PTK2: variants seen among roughly 807,000 people sequenced by gnomAD.
PTK2 encodes the protein focal adhesion kinase 1.
In PTK2, 45 loss-of-function variants were observed where a neutral mutation model predicts 150.1. The observed-to-expected ratio is 0.30, with a 90% CI of 0.24 to 0.38. The LOEUF is 0.38. Ranked by LOEUF, PTK2 falls within the 10% of genes least tolerant of loss-of-function variation. The probability of loss-of-function intolerance (pLI) is 1.00; values close to 1 mark genes in which losing one functional copy is unlikely to be tolerated. For missense variants in PTK2, 919 were observed against 1,307.3 expected (o/e 0.70, Z 4.58); for synonymous variants, 432 against 449.2 (o/e 0.96, Z 0.48).
intron 8 of PTK2, among the ~76,000 whole-genome samples, chr8:140,825,550 T>A (rs967730485): frequency 6.6e-6 from 1 of 152,240 alleles, no homozygotes; most frequent in African/African-American, 2.4e-5. Flanking sequence ...TATATTGCAA[T>A]AAATTAAAAT....
At chr8:140,750,990 C>T (rs1452935652) in intron 17 of PTK2, among the ~76,000 whole-genome samples, 1 of 152,042 alleles carries the variant, frequency 6.6e-6, no homozygotes, top group Non-Finnish European at 1.5e-5. Flanking sequence ...TGGCGCCCAT[C>T]TGTAGTACCA....
intron 14 of PTK2, among the ~76,000 whole-genome samples, chr8:140,786,650 A>G (rs2100085138): frequency 6.6e-6 from 1 of 152,104 alleles, no homozygotes; most frequent in Non-Finnish European, 1.5e-5. Flanking sequence ...CAAGAAAAGA[A>G]AAGAAATATA....
intron 22 of PTK2, among the ~76,000 whole-genome samples, chr8:140,727,325 A>G (rs905423217): frequency 1.3e-5 from 2 of 152,194 alleles, no homozygotes; most frequent in Admixed American, 1.3e-4. Flanking sequence ...TATTAAATTC[A>G]GATTTGCAGT....
chr8:140,797,693 G>A (rs2100092560), intron 12 of PTK2, among the ~76,000 whole-genome samples: 1 of 152,170 alleles, frequency 6.6e-6, no homozygotes, highest in East Asian at 1.9e-4. Context: ...TTCAGGTAAG[G>A]TGTAGGTTAG....
chr8:140,739,711 ACAGGTGC>A (rs2100054597), intron 20 of PTK2, among the ~76,000 whole-genome samples: 1 of 152,118 alleles, frequency 6.6e-6, no homozygotes, highest in Non-Finnish European at 1.5e-5. Context: ...TGCCCCACTA[ACAGGTGC>A]CAGAGTTGGG....
chr8:140,696,038 ACTC>A (rs2100026337), intron 26 of PTK2, among the ~76,000 whole-genome samples: 2 of 151,632 alleles, frequency 1.3e-5, no homozygotes, highest in Middle Eastern at 3.2e-3. Context: ...CCTGTCCGGG[ACTC>A]CTCCTTCCTC....
chr8:140,876,238 G>A (rs954386339), intron 4 of PTK2, among the ~76,000 whole-genome samples: 9 of 151,644 alleles, frequency 5.9e-5, no homozygotes, highest in South Asian at 2.1e-4. Flanking sequence ...GATGATTTTC[G>A]TTTTTCCTAA....
chr8:140,708,960 A>G (rs1359371383), intron 23 of PTK2, among the ~76,000 whole-genome samples: 1 of 132,792 alleles, frequency 7.5e-6, no homozygotes, highest in East Asian at 2.1e-4. Flanking sequence ...ACTCTTGATA[A>G]ATTCAGGCAA....
intron 2 of PTK2, among the ~76,000 whole-genome samples, chr8:140,907,400 C>G (rs2100161374): frequency 6.6e-6 from 1 of 152,144 alleles, no homozygotes; most frequent in African/African-American, 2.4e-5. Flanking sequence ...CGTTGAACAT[C>G]ATATCGGCGC....
intron 1 of PTK2, among the ~76,000 whole-genome samples, chr8:140,996,961 A>G (rs927134433): frequency 6.6e-6 from 1 of 152,218 alleles, no homozygotes; most frequent in Non-Finnish European, 1.5e-5. Context: ...GATCTGGGCT[A>G]AGTACATAGA....
chr8:140,746,706 A>G (rs2100058974), intron 18 of PTK2, 54 bp downstream of exon 21: 1 of 1,354,036 alleles, frequency 7.4e-7, no homozygotes, highest in African/African-American at 1.5e-5. Flanking sequence ...TCCTTTCTTA[A>G]GCAAAAGATA....
In PTK2 at chr8:140,793,512, C is replaced by T. The variant is rs922274584; in HGVS notation, c.1094-128G>A. On this transcript the variant is annotated intron_variant, in intron 12 of 31. Transcript: ENST00000522684. ...AGCAATGACCCTTTAAAGAAAGTTGCTACACTGTCTACCTTAGGTTCTCAT... is the reference window on the plus strand; with the variant it reads ...AGCAATGACCCTTTAAAGAAAGTTGTTACACTGTCTACCTTAGGTTCTCAT... 29 of 881,028 alleles carry T rather than the reference C, an allele frequency of 3.3e-5. 2 individuals carry two copies. The Admixed American group carries it at 4.0e-4, about 12-fold the overall frequency. 54.6% of individuals were successfully genotyped at this position (881,028 alleles called of 1,614,324 possible). A position where few individuals can be genotyped will look rare whatever the true frequency, so the allele number is the denominator to read the frequency against.
At chr8:140,896,066 A>G (rs2100156102) in intron 2 of PTK2, among the ~76,000 whole-genome samples, 1 of 152,200 alleles carries the variant, frequency 6.6e-6, no homozygotes, top group Non-Finnish European at 1.5e-5. Flanking sequence ...ACAATAAGGG[A>G]TTATTAATAA....
Position 140,846,397 on chromosome 8 carries a change from G to A in PTK2, c.531-75C>T, listed in dbSNP as rs544960557. On this transcript the variant is annotated intron_variant, in intron 6 of 31. Coordinates refer to ENST00000522684, the Ensembl canonical transcript of PTK2. ...TGTTGTTAAGTGATAAAAACTGGGG[G>A]AGAGGCATCTGAATAATAAACAAAA... 46 of 1,451,630 alleles carry A rather than the reference G, an allele frequency of 3.2e-5. No individual in the cohort carries two copies. In the Admixed American group the frequency reaches 5.3e-4, roughly 17 times the overall value. 89.9% of individuals were successfully genotyped at this position (1,451,630 alleles called of 1,614,324 possible).
chr8:140,934,210 T>C (rs1286296242), intron 1 of PTK2, among the ~76,000 whole-genome samples: 1 of 152,182 alleles, frequency 6.6e-6, no homozygotes, highest in Non-Finnish European at 1.5e-5. Flanking sequence ...AACCCTTGGC[T>C]TTCCCCTCAA....
At chr8:140,701,019 A>C (rs1319065776) in exon 26 of PTK2, 2 of 1,613,372 alleles carry the variant, frequency 1.2e-6, no homozygotes, top group Admixed American at 3.3e-5. Flanking sequence ...AATACTGTAG[A>C]GTCCTGGAAG....
intron 26 of PTK2, among the ~76,000 whole-genome samples, chr8:140,694,576 C>T (rs931421410): frequency 6.6e-6 from 1 of 152,172 alleles, no homozygotes; most frequent in Non-Finnish European, 1.5e-5. Flanking sequence ...AGACTTCTGA[C>T]ACACAGCTTC....
At chr8:140,808,150 C>T (rs1046757022) in intron 10 of PTK2, among the ~76,000 whole-genome samples, 1 of 152,178 alleles carries the variant, frequency 6.6e-6, no homozygotes, top group Non-Finnish European at 1.5e-5. Flanking sequence ...AGAAACTATA[C>T]ATTTTTCTAT....
Position 140,801,231 on chromosome 8 carries a change from G to T in PTK2, c.976-655C>A, listed in dbSNP as rs114389074. On this transcript the variant is annotated intron_variant, in intron 11 of 31. Coordinates refer to ENST00000522684, the Ensembl canonical transcript of PTK2. ...AATAAAGCTACCCAGAGAACTGGCCGTTAACAGACCAAAGAATCCTGGTGT... is the reference window on the plus strand; with the variant it reads ...AATAAAGCTACCCAGAGAACTGGCCTTTAACAGACCAAAGAATCCTGGTGT... Among the ~76,000 whole-genome samples the T allele has an allele frequency of 4.5e-3, 682 of 152,302 alleles. 4 individuals are homozygous for T. Among genetic ancestry groups the T allele is most frequent in the African/African-American group, 0.016 (647 of 41,556 alleles).
Sources: allele counts gnomAD v4.1 joint callset (sites outside exome capture counted in the v4.1 genomes callset), GRCh38; gene constraint gnomAD v4.1.1; transcripts MANE v1.5; gene names NCBI Gene and HGNC (gene_info 2026-07-23, HGNC 2026-07-21).